The following CFAP100 variants were observed in gnomAD, a reference collection of about 807,000 sequenced individuals.
CFAP100 encodes cilia- and flagella-associated protein 100.
Under a neutral mutation model 81.5 loss-of-function variants are expected in CFAP100, and 70 were observed. The ratio of observed to expected loss-of-function variants is 0.86; its 90% CI spans 0.71 to 1.05. CFAP100 has a LOEUF of 1.05. Among genes scored for constraint, CFAP100 ranks in the 50% least tolerant of loss-of-function variants. The pLI is 0.00. For synonymous variants in CFAP100, 341 were observed against 314.8 expected (o/e 1.08, Z -0.88); for missense variants, 811 against 776.5 (o/e 1.04, Z -0.53).
rs1435770182 is a variant in CFAP100, at chr3:126,419,738, A to C, written c.833A>C (p.Lys278Thr). The change falls in exon 9 of 17, where the codon AAA (lysine) becomes ACA (threonine). Residue 278 changes from lysine (K) to threonine (T), a missense_variant. Lys to Thr is a moderately conservative substitution (Grantham distance 78). Coordinates refer to ENST00000352312, the MANE Select transcript of CFAP100 (RefSeq NM_182628.3). ...GAGTGGCTTGAAGAACAGGAAAAGA[A>C]ACACTCGTTTCTCAAAAAGGCCAAG... ...PKEWLEEQEK[K>T]HSFLKKAKEV... is the part of the protein sequence containing the mutation. 1 of 1,613,952 alleles carries C rather than the reference A, an allele frequency of 6.2e-7. No homozygotes were observed. The highest frequency in any genetic ancestry group is 1.3e-5 in the African/African-American group (1 of 74,940).
chr3:126,405,122 A>G (rs73206884), intron 2 of CFAP100, among the ~76,000 whole-genome samples: 19,088 of 152,094 alleles, frequency 0.13, 1,267 homozygotes, highest in South Asian at 0.21. Flanking sequence ...TCTCATCCCC[A>G]AACTGAACCT....
At chr3:126,413,339 C>A (rs571675370) in intron 3 of CFAP100, among the ~76,000 whole-genome samples, 1 of 152,182 alleles carries the variant, frequency 6.6e-6, no homozygotes, top group Non-Finnish European at 1.5e-5. Context: ...CCAGAGTCAC[C>A]CTCCCTGTCT....
chr3:126,419,651 T>C lies in CFAP100; in HGVS notation c.746T>C (p.Phe249Ser), dbSNP rs372512710. The change falls in exon 9 of 17, where the codon TTT (phenylalanine) becomes TCT (serine). Residue 249 changes from phenylalanine (F) to serine (S), a missense_variant. By Grantham distance (155) the Phe-to-Ser change is radical. Coordinates refer to ENST00000352312, the MANE Select transcript of CFAP100 (RefSeq NM_182628.3). ...CCCCGGTGTAGTGAGATCTCCAGAT[T>C]TGAAGACACTCTGAAGCATTACAAG... is the stretch of plus-strand genomic sequence containing the variant. ...IVNIKSEISR[F>S]EDTLKHYKVY... 6.2e-7 allele frequency: 1 copy of C among 1,613,810 alleles called. No homozygotes were observed. Among genetic ancestry groups the C allele is most frequent in the Admixed American group, 1.7e-5 (1 of 60,018 alleles).
chr3:126,432,297 A>AT lies in CFAP100; in HGVS notation c.1287-772_1287-771insT, dbSNP rs1933264221. On this transcript the variant is annotated intron_variant, in intron 13 of 16. Coordinates refer to ENST00000352312, the MANE Select transcript of CFAP100 (RefSeq NM_182628.3). ...GACTCCGTCTCAAAAAAAAAAAAAA[A>AT]AAAAAAAGGAAAAAAGAAAGGTGAA... Among the ~76,000 whole-genome samples, 7 of 151,584 alleles carry AT rather than the reference A, an allele frequency of 4.6e-5. No individual in the cohort carries two copies. In the South Asian group the frequency reaches 1.5e-3, roughly 31 times the overall value.
In CFAP100 at chr3:126,416,310, C is replaced by T; in HGVS notation, c.226-6C>T. The stretch of plus-strand genomic sequence containing the variant: ...GGCCCCGCCCGACTTGGCCCGACGC[C>T]CCCAGGAACGGCAGCAGCAGAAGAC... On this transcript the variant is annotated splice_polypyrimidine_tract_variant and splice_region_variant and intron_variant, in intron 4 of 16. Transcript: ENST00000352312. 3 of 1,579,100 alleles carry T rather than the reference C, an allele frequency of 1.9e-6. No individual in the cohort carries two copies. The highest frequency in any genetic ancestry group is 1.1e-5 in the South Asian group (1 of 88,166).
At chr3:126,429,845 G>A (rs1423850910) in intron 13 of CFAP100, among the ~76,000 whole-genome samples, 1 of 152,068 alleles carries the variant, frequency 6.6e-6, no homozygotes, top group East Asian at 1.9e-4. Flanking sequence ...ACTTCTCTAA[G>A]GCAAGTATCC....
intron 14 of CFAP100, 66 bp from the exon 15 acceptor site, chr3:126,434,110 G>A (rs1933347921): frequency 4.8e-6 from 7 of 1,449,914 alleles, no homozygotes; most frequent in Non-Finnish European, 5.7e-6. Flanking sequence ...GGCCACCGCT[G>A]AAGGCACTGG....
chr3:126,400,713 C>T (rs919401751), intron 2 of CFAP100, among the ~76,000 whole-genome samples: 1 of 151,908 alleles, frequency 6.6e-6, no homozygotes, highest in African/African-American at 2.4e-5. Context: ...GATTGCGCCA[C>T]TGCACTCCAG....
At chr3:126,426,474 G>A (rs942385821) in intron 13 of CFAP100, among the ~76,000 whole-genome samples, 6 of 148,058 alleles carry the variant, frequency 4.1e-5, no homozygotes, top group African/African-American at 1.5e-4. Flanking sequence ...AAAAAAGGCT[G>A]GGTGCAATGG....
At chr3:126,435,040 G>A (rs1460179233) in intron 15 of CFAP100, among the ~76,000 whole-genome samples, 1 of 152,182 alleles carries the variant, frequency 6.6e-6, no homozygotes, top group African/African-American at 2.4e-5. Context: ...AGGGCTCTGA[G>A]ACAGCGCAAT....
intron 13 of CFAP100, among the ~76,000 whole-genome samples, chr3:126,427,783 T>C (rs1021730377): frequency 4.6e-5 from 7 of 152,058 alleles, no homozygotes; most frequent in Non-Finnish European, 7.4e-5. Flanking sequence ...TTGTTTTAAT[T>C]TGTGACTCCT....
chr3:126,423,904 A>C (rs916308414), intron 13 of CFAP100, among the ~76,000 whole-genome samples: 13 of 152,174 alleles, frequency 8.5e-5, no homozygotes, highest in Non-Finnish European at 1.5e-4. Context: ...CTCTCCAAGG[A>C]CCTTCTGCCC....
intron 2 of CFAP100, among the ~76,000 whole-genome samples, chr3:126,401,837 C>T (rs1489522007): frequency 1.3e-5 from 2 of 152,124 alleles, no homozygotes; most frequent in Non-Finnish European, 2.9e-5. Context: ...GGCCTCATCC[C>T]TGTGCTCCCC....
At chr3:126,407,337 C>A in intron 3 of CFAP100, 85 bp downstream of exon 3, 1 of 797,162 alleles carries the variant, frequency 1.3e-6, no homozygotes, top group Non-Finnish European at 2.1e-6. Context: ...CAGACCAGGT[C>A]TCTAGAGCTA....
intron 2 of CFAP100, among the ~76,000 whole-genome samples, chr3:126,401,780 C>T (rs917002944): frequency 5.9e-5 from 9 of 152,180 alleles, no homozygotes; most frequent in Middle Eastern, 3.4e-3. Flanking sequence ...GGCCCAATTC[C>T]GTGGGGAACA....
intron 2 of CFAP100, among the ~76,000 whole-genome samples, chr3:126,405,132 T>A (rs2083044302): frequency 6.6e-6 from 1 of 152,028 alleles, no homozygotes; most frequent in Non-Finnish European, 1.5e-5. Context: ...AAACTGAACC[T>A]CCTCCCCATT....
At chr3:126,435,767 C>A in intron 16 of CFAP100, 115 bp downstream of exon 16, 1 of 780,226 alleles carries the variant, frequency 1.3e-6, no homozygotes, top group Non-Finnish European at 2.0e-6. Flanking sequence ...TTCAATGAGG[C>A]TCTGAGGGAG....
intron 3 of CFAP100, 90 bp from the exon 4 acceptor site, chr3:126,413,995 C>A: frequency 2.4e-6 from 2 of 840,692 alleles, no homozygotes; most frequent in Non-Finnish European, 2.1e-6. Context: ...CTTTTCCATG[C>A]TGGGCTGGGA....
At chr3:126,417,070 T>C (rs374323625) in intron 5 of CFAP100, among the ~76,000 whole-genome samples, 1 of 152,136 alleles carries the variant, frequency 6.6e-6, no homozygotes, top group Non-Finnish European at 1.5e-5. Context: ...CAGTGTACAG[T>C]GGGCGCAGGC....
Sources: allele counts gnomAD v4.1 joint callset (sites outside exome capture counted in the v4.1 genomes callset), GRCh38; gene constraint gnomAD v4.1.1; transcripts MANE v1.5; gene names NCBI Gene and HGNC (gene_info 2026-07-23, HGNC 2026-07-21).